NSMCE1: variants seen among roughly 807,000 people sequenced by gnomAD.
NSMCE1 encodes the protein NSE1 component of SMC5/6 complex, also known as non-structural maintenance of chromosomes element 1 homolog.
In NSMCE1, 18 loss-of-function variants were observed where a neutral mutation model predicts 29.6. The ratio of observed to expected loss-of-function variants is 0.61; its 90% CI spans 0.42 to 0.90. NSMCE1 has a LOEUF of 0.90. Ranked by LOEUF, NSMCE1 falls within the 40% of genes least tolerant of loss-of-function variation. The pLI is 0.00. For missense variants in NSMCE1, 314 were observed against 343.6 expected, an observed-to-expected ratio of 0.91 and a Z score of 0.68; for synonymous variants, 124 against 133.4, an observed-to-expected ratio of 0.93 and a Z score of 0.49.
At chr16:27,252,522 G>C (rs1161709652) in intron 2 of NSMCE1, among the ~76,000 whole-genome samples, 2 of 152,188 alleles carry the variant, frequency 1.3e-5, no homozygotes, top group African/African-American at 4.8e-5. Context: ...AGTGGCTCAC[G>C]CCTGAATCCC....
intron 7 of NSMCE1, 131 bp from the exon 8 acceptor site, chr16:27,225,367 C>A: frequency 1.5e-6 from 1 of 650,912 alleles, no homozygotes; most frequent in Non-Finnish European, 2.8e-6. Context: ...TCACTGCTAA[C>A]CCTCCCCAGC....
At chr16:27,228,684 C>T (rs1452028181) in intron 5 of NSMCE1, among the ~76,000 whole-genome samples, 1 of 81,106 alleles carries the variant, frequency 1.2e-5, no homozygotes, top group African/African-American at 5.0e-5. Flanking sequence ...AGATCCATCA[C>T]AGCACCCCAC....
chr16:27,248,727 A>G (rs1252096645), intron 2 of NSMCE1, among the ~76,000 whole-genome samples: 1 of 150,624 alleles, frequency 6.6e-6, no homozygotes, highest in Non-Finnish European at 1.5e-5. Context: ...TTAAATGTCT[A>G]ATGATGTTGA....
chr16:27,263,121 G>A (rs941371321), intron 1 of NSMCE1, among the ~76,000 whole-genome samples: 1 of 152,180 alleles, frequency 6.6e-6, no homozygotes, highest in Non-Finnish European at 1.5e-5. Context: ...TTAAACCACT[G>A]TAGAAAGCAG....
chr16:27,242,836 T>C (rs2083909166), intron 2 of NSMCE1, among the ~76,000 whole-genome samples: 1 of 152,212 alleles, frequency 6.6e-6, no homozygotes, highest in Non-Finnish European at 1.5e-5. Context: ...CTGGTCCCCA[T>C]CCCTACCCAT....
chr16:27,247,770 C>CA (rs970218486), intron 2 of NSMCE1, among the ~76,000 whole-genome samples: 4 of 151,684 alleles, frequency 2.6e-5, no homozygotes, highest in Non-Finnish European at 4.4e-5. Context: ...ACCAGAAATA[C>CA]AAAAAAATTA....
At chr16:27,261,605 C>T (rs1288369377) in intron 1 of NSMCE1, among the ~76,000 whole-genome samples, 1 of 152,100 alleles carries the variant, frequency 6.6e-6, no homozygotes, top group African/African-American at 2.4e-5. Context: ...ACTTCAGGTC[C>T]CAATGACTTT....
At chr16:27,226,530 C>T (rs374650230) in intron 6 of NSMCE1, 190 bp downstream of exon 6, 12 of 541,466 alleles carry the variant, frequency 2.2e-5, no homozygotes, top group South Asian at 1.2e-4. Context: ...GGCGGCAGTG[C>T]GTCCCTGCGG....
intron 1 of NSMCE1, among the ~76,000 whole-genome samples, chr16:27,259,801 T>G (rs2084134703): frequency 6.6e-6 from 1 of 152,130 alleles, no homozygotes; most frequent in Non-Finnish European, 1.5e-5. Context: ...AAAAGTCAGA[T>G]GACTTCTAAA....
At chr16:27,251,159 A>AATATATATATATATATATATATAT (rs1166070119) in intron 2 of NSMCE1, among the ~76,000 whole-genome samples, 24 of 65,760 alleles carry the variant, frequency 3.6e-4, no homozygotes, top group East Asian at 1.4e-3. Context: ...AATTATTTAA[A>AATATATATATATATATATATATAT]ATATATATAT....
rs926358434 is a variant in NSMCE1 at position 27,232,932 on chromosome 16, C to T, written c.483+69G>A. 2.6e-6 allele frequency: 4 copies of T among 1,551,170 alleles called. No individual in the cohort carries two copies. Among genetic ancestry groups the T allele is most frequent in the Admixed American group, 1.8e-5 (1 of 56,238 alleles). ...CTCAGACATCAGTTGGCTACAAGTA[C>T]GATTTTGGAGAAAAAACTGTTATTC... On this transcript the variant is annotated intron_variant, in intron 5 of 7. Coordinates refer to ENST00000361439, the MANE Select transcript of NSMCE1 (RefSeq NM_145080.4). The surrounding 1 kb of genome is among the most constrained non-coding windows in gnomAD (Gnocchi z 4.5).
rs753239544 is a variant in NSMCE1, at chr16:27,225,712, C to A, written c.721+14G>T. On this transcript the variant is annotated intron_variant, in intron 7 of 7. Coordinates refer to ENST00000361439, the MANE Select transcript of NSMCE1 (RefSeq NM_145080.4). ...GGCCCAGCCCCTCCCATGAGCTCCT[C>A]AGGGCCCACGCACTTGGGATCTCGT... The A allele has an allele frequency of 6.2e-7, 1 of 1,613,978 alleles. No homozygotes were observed.
At chr16:27,226,667 C>A in intron 6 of NSMCE1, 53 bp downstream of exon 6, 2 of 1,171,136 alleles carry the variant, frequency 1.7e-6, no homozygotes, top group Admixed American at 1.7e-5. Context: ...CTGTACAGAG[C>A]CCCGGGAGCC....
chr16:27,262,166 C>A (rs1433608327), intron 1 of NSMCE1, among the ~76,000 whole-genome samples: 1 of 151,292 alleles, frequency 6.6e-6, no homozygotes, highest in Non-Finnish European at 1.5e-5. Flanking sequence ...ATCGCTTGAA[C>A]CTGGGAGGCG....
At position 27,268,691 on chromosome 16, in the gene NSMCE1, C is replaced by T. The variant is rs968284654; in HGVS notation, c.-12+15G>A. ...CTTCTTTCCCCTCCAACCCCTAGCTCCCCACGTTACCCACCAGGGAGCCCA... is the reference window on the plus strand; with the variant it reads ...CTTCTTTCCCCTCCAACCCCTAGCTTCCCACGTTACCCACCAGGGAGCCCA... On this transcript the variant is annotated intron_variant, in intron 1 of 7. Transcript: ENST00000361439. The T allele has an allele frequency of 1.5e-4, 23 of 152,806 alleles. 1 individual carries two copies. The highest frequency in any genetic ancestry group is 1.5e-5 in the Non-Finnish European group (1 of 68,104). The allele number at this position is 152,806 out of a possible 1,614,324, so 9.5% of individuals were successfully genotyped here.
chr16:27,247,090 T>C (rs965689040), intron 2 of NSMCE1, among the ~76,000 whole-genome samples: 8 of 152,120 alleles, frequency 5.3e-5, no homozygotes, highest in Admixed American at 5.2e-4. Flanking sequence ...AAAATACATA[T>C]TGGATTGCAA....
chr16:27,246,254 T>C (rs768399094), intron 2 of NSMCE1, among the ~76,000 whole-genome samples: 1 of 152,214 alleles, frequency 6.6e-6, no homozygotes, highest in Non-Finnish European at 1.5e-5. Flanking sequence ...CACTGAAGTA[T>C]TTCTAAACCT....
rs758982549 is a variant in NSMCE1, at chr16:27,226,809, G to A, written c.511C>T (p.Arg171Trp). 1.2e-5 allele frequency: 20 copies of A among 1,613,416 alleles called. No homozygotes were observed. Among genetic ancestry groups the A allele is most frequent in the Admixed American group, 1.7e-5 (1 of 59,984 alleles). Residue 171 changes from arginine (R) to tryptophan (W), a missense_variant, in exon 6 of 8, where the codon CGG (arginine) becomes TGG (tryptophan). Coordinates refer to ENST00000361439, the MANE Select transcript of NSMCE1 (RefSeq NM_145080.4). The part of the protein sequence containing the change: ...EKEGEFTLHG[R>W]AILEMEQYIR... Reference sequence around the variant, plus strand: ...TATTGCTCCATCTCCAGGATGGCCCGGCCGTGCAGGGTGAACTCCCCTTCC... The same window carrying A: ...TATTGCTCCATCTCCAGGATGGCCCAGCCGTGCAGGGTGAACTCCCCTTCC...
At chr16:27,255,912 C>G (rs949975391) in intron 2 of NSMCE1, among the ~76,000 whole-genome samples, 3 of 152,176 alleles carry the variant, frequency 2.0e-5, no homozygotes, top group African/African-American at 7.2e-5. Flanking sequence ...CATTTGCATG[C>G]AAAGGCATAA....
Sources: allele counts gnomAD v4.1 joint callset (sites outside exome capture counted in the v4.1 genomes callset), GRCh38; gene constraint gnomAD v4.1.1; non-coding constraint Gnocchi (gnomAD v3.1); transcripts MANE v1.5; gene names NCBI Gene and HGNC (gene_info 2026-07-23, HGNC 2026-07-21).